The following HERC4 variants were observed in gnomAD, a reference collection of about 807,000 sequenced individuals.
HERC4 encodes HECT and RLD domain containing E3 ubiquitin protein ligase 4.
A neutral mutation model predicts 124.3 loss-of-function variants in HERC4; 28 were observed. The observed-to-expected ratio is 0.23, with a 90% CI of 0.17 to 0.31. The LOEUF is 0.31. Ranked by LOEUF, HERC4 falls within the 10% of genes least tolerant of loss-of-function variation. The pLI, the probability that HERC4 is intolerant of heterozygous loss-of-function variation, is 1.00. For synonymous variants in HERC4, 407 were observed against 421.5 expected (o/e 0.97, Z 0.42); for missense variants, 713 against 1,229.3 (o/e 0.58, Z 6.28).
chr10:68,003,156 T>C (rs969025878), intron 9 of HERC4, among the ~76,000 whole-genome samples: 2 of 148,952 alleles, frequency 1.3e-5, no homozygotes, highest in South Asian at 4.2e-4. Context: ...TAACTATATT[T>C]TTATACTTTT....
Position 67,922,648 on chromosome 10 carries a change from T to C in HERC4, c.*283A>G, listed in dbSNP as rs977503315. 5.1e-6 allele frequency: 1 copy of C among 196,324 alleles called. No individual in the cohort carries two copies. 12.2% of individuals were successfully genotyped at this position (196,324 alleles called of 1,614,324 possible). A position where few individuals can be genotyped will look rare whatever the true frequency, so the allele number is the denominator to read the frequency against. On this transcript the variant is annotated 3_prime_UTR_variant, in exon 25 of 25. Coordinates refer to ENST00000373700, the MANE Select transcript of HERC4 (RefSeq NM_015601.4). The stretch of plus-strand genomic sequence containing the variant: ...CTCACACCAGATCATTTCTGAAATA[T>C]GCAAACTCTTAAAATTCATGTTAGT...
Position 68,036,498 on chromosome 10 carries a change from T to C in HERC4, c.463+1595A>G, listed in dbSNP as rs2039478156. ...GAGGAGTTGGCAAAACAACAAAGAATACACAGAGATTCCATGTTCCTAACT... is the reference window on the plus strand; with the variant it reads ...GAGGAGTTGGCAAAACAACAAAGAACACACAGAGATTCCATGTTCCTAACT... On this transcript the variant is annotated intron_variant, in intron 5 of 24. Transcript: ENST00000373700. Among the ~76,000 whole-genome samples, 5 of 152,028 alleles carry C rather than the reference T, an allele frequency of 3.3e-5. No individual in the cohort carries two copies. In the South Asian group the frequency reaches 1.0e-3, roughly 31 times the overall value.
chr10:67,944,927 G>A (rs1234777138), intron 19 of HERC4, among the ~76,000 whole-genome samples: 1 of 152,068 alleles, frequency 6.6e-6, no homozygotes, highest in Non-Finnish European at 1.5e-5. Flanking sequence ...GAAAAAACAA[G>A]AAAGAATGAA....
At chr10:68,029,955 G>A (rs909160204) in intron 7 of HERC4, among the ~76,000 whole-genome samples, 1 of 151,148 alleles carries the variant, frequency 6.6e-6, no homozygotes, top group African/African-American at 2.4e-5. Flanking sequence ...GGCCAGGATG[G>A]TCTCGAACTC....
At chr10:68,014,417 T>C (rs1294007440) in intron 8 of HERC4, among the ~76,000 whole-genome samples, 3 of 152,184 alleles carry the variant, frequency 2.0e-5, no homozygotes, top group African/African-American at 4.8e-5. Context: ...TTTCCACTAA[T>C]GTTTAAATTT....
chr10:68,074,542 T>C (rs900546734), intron 1 of HERC4: 2 of 152,246 alleles, frequency 1.3e-5, no homozygotes, highest in African/African-American at 4.8e-5. Context: ...AGGCGTCCTC[T>C]CGCCAGCAAC....
intron 15 of HERC4, among the ~76,000 whole-genome samples, chr10:67,970,465 G>A (rs2132494695): frequency 6.6e-6 from 1 of 152,214 alleles, no homozygotes; most frequent in Middle Eastern, 3.4e-3. Context: ...GGTGGCACAT[G>A]CCTGTAATCC....
chr10:67,984,711 T>G (rs1039113312), intron 15 of HERC4, among the ~76,000 whole-genome samples: 10 of 152,262 alleles, frequency 6.6e-5, no homozygotes, highest in African/African-American at 1.9e-4. Context: ...GCCTTCTGAA[T>G]AGTTGGTATT....
chr10:68,014,851 T>C (rs553298093), intron 8 of HERC4, among the ~76,000 whole-genome samples: 41 of 152,150 alleles, frequency 2.7e-4, no homozygotes, highest in Non-Finnish European at 4.9e-4. Flanking sequence ...AAGTATTTCA[T>C]TGTGTACCCT....
intron 19 of HERC4, among the ~76,000 whole-genome samples, chr10:67,951,129 T>C (rs2033761892): frequency 6.6e-6 from 1 of 152,158 alleles, no homozygotes; most frequent in African/African-American, 2.4e-5. Context: ...ATAAAGCTTA[T>C]TACAACTGCC....
intron 9 of HERC4, among the ~76,000 whole-genome samples, chr10:67,997,854 T>C (rs1180725213): frequency 6.6e-6 from 1 of 152,168 alleles, no homozygotes; most frequent in Non-Finnish European, 1.5e-5. Context: ...TATCCATAGG[T>C]TCCATATTTG....
At chr10:67,954,510 C>T (rs1297763571) in intron 19 of HERC4, 85 bp downstream of exon 19, 35 of 1,061,790 alleles carry the variant, frequency 3.3e-5, no homozygotes, top group Non-Finnish European at 4.4e-5. Context: ...GTAGTAATTC[C>T]TTATTTACTG....
chr10:68,040,249 T>C, intron 4 of HERC4: 3 of 982,136 alleles, frequency 3.1e-6, no homozygotes, highest in Non-Finnish European at 3.6e-6. Context: ...ACACATTAAA[T>C]GCTAATATCT....
chr10:68,010,598 C>G, intron 9 of HERC4: 2 of 1,279,426 alleles, frequency 1.6e-6, no homozygotes, highest in Non-Finnish European at 2.2e-6. Flanking sequence ...TTCAGGCCTG[C>G]ACGAGGGTTT....
intron 21 of HERC4, among the ~76,000 whole-genome samples, chr10:67,938,437 C>CAA (rs1338497256): frequency 1.1e-5 from 1 of 91,584 alleles, no homozygotes; most frequent in African/African-American, 4.4e-5. Flanking sequence ...GATTCTGTCT[C>CAA]AAAAAAAAAG....
intron 6 of HERC4, among the ~76,000 whole-genome samples, chr10:68,033,282 T>C (rs756809443): frequency 3.3e-5 from 5 of 152,214 alleles, no homozygotes; most frequent in Admixed American, 1.3e-4. Flanking sequence ...TATCCTAATA[T>C]GACATATTTT....
chr10:68,059,945 T>A (rs1368122605), intron 3 of HERC4, among the ~76,000 whole-genome samples: 2 of 128,216 alleles, frequency 1.6e-5, no homozygotes, highest in Non-Finnish European at 3.1e-5. Flanking sequence ...TATAATAATA[T>A]TATATTATAT....
In HERC4 at chr10:67,922,495, C is replaced by T. The variant is rs2030320424; in HGVS notation, c.*436G>A. 1 of 153,224 alleles carries T rather than the reference C, an allele frequency of 6.5e-6. No homozygotes were observed. The highest frequency in any genetic ancestry group is 2.4e-5 in the African/African-American group (1 of 41,344). 9.5% of individuals were successfully genotyped at this position (153,224 alleles called of 1,614,324 possible). On this transcript the variant is annotated 3_prime_UTR_variant, in exon 25 of 25. Coordinates refer to ENST00000373700, the MANE Select transcript of HERC4 (RefSeq NM_015601.4). ...CATAGAAACTGTACTGGTATCAGAA[C>T]ATAACTATTTTATTACAAAACTTAA...
intron 23 of HERC4, among the ~76,000 whole-genome samples, chr10:67,930,562 C>T (rs2031685482): frequency 6.6e-6 from 1 of 152,118 alleles, no homozygotes; most frequent in African/African-American, 2.4e-5. Context: ...ATGCTTTGCA[C>T]CTATTAATAT....
Sources: gnomAD v4.1 joint callset for allele counts (sites outside exome capture counted in the v4.1 genomes callset) on GRCh38, gnomAD v4.1.1 for gene constraint, MANE v1.5 for transcripts, NCBI Gene and HGNC (gene_info 2026-07-23, HGNC 2026-07-21) for gene names.